The following CEP85L variants were observed in gnomAD, a reference collection of about 807,000 sequenced individuals.
CEP85L encodes centrosomal protein 85L.
CEP85L carries 60 observed loss-of-function variants against 100.3 expected under a neutral mutation model. The ratio of observed to expected loss-of-function variants is 0.60; its 90% CI spans 0.49 to 0.74. The LOEUF (loss-of-function observed/expected upper bound fraction) is 0.74, where lower values mean the gene tolerates loss of function less well. CEP85L is among the 30% of genes least tolerant of loss of function. CEP85L has a pLI of 0.00. For missense variants in CEP85L, 973 were observed against 936.2 expected, an observed-to-expected ratio of 1.04 and a Z score of -0.51; for synonymous variants, 319 against 322.7, an observed-to-expected ratio of 0.99 and a Z score of 0.12.
intron 1 of CEP85L, among the ~76,000 whole-genome samples, chr6:118,694,727 T>C (rs1777151464): frequency 6.6e-6 from 1 of 152,032 alleles, no homozygotes; most frequent in Non-Finnish European, 1.5e-5. Context: ...CCTTGGAGAG[T>C]CAATGAAATA....
At chr6:118,487,646 C>T (rs531095927) in intron 6 of CEP85L, among the ~76,000 whole-genome samples, 2 of 152,316 alleles carry the variant, frequency 1.3e-5, no homozygotes, top group African/African-American at 4.8e-5. Context: ...AGTTGGATCA[C>T]ACATCCAACA....
At chr6:118,684,498 C>T (rs1025229537) in intron 1 of CEP85L, among the ~76,000 whole-genome samples, 12 of 151,766 alleles carry the variant, frequency 7.9e-5, no homozygotes, top group African/African-American at 2.9e-4. Flanking sequence ...CAACAGAGCC[C>T]GACCTGTTTC....
intron 9 of CEP85L, 27 bp from the exon 10 acceptor site, chr6:118,479,948 C>T (rs1773657106): frequency 8.3e-7 from 1 of 1,206,922 alleles, no homozygotes; most frequent in Admixed American, 2.3e-5. Flanking sequence ...ACATCTGATT[C>T]AAATAATTTT....
At chr6:118,528,633 A>G (rs541373079) in intron 3 of CEP85L, among the ~76,000 whole-genome samples, 9 of 152,272 alleles carry the variant, frequency 5.9e-5, no homozygotes, top group African/African-American at 2.2e-4. Flanking sequence ...AAAACCTGAC[A>G]TCCTACCAAA....
intron 3 of CEP85L, among the ~76,000 whole-genome samples, chr6:118,563,695 C>G (rs1441360675): frequency 1.3e-5 from 2 of 152,210 alleles, no homozygotes; most frequent in Non-Finnish European, 1.5e-5. Flanking sequence ...AGGCAATTCT[C>G]CTGCCTTGGC....
intron 1 of CEP85L, among the ~76,000 whole-genome samples, chr6:118,682,818 G>T (rs529350713): frequency 3.0e-4 from 44 of 147,538 alleles, no homozygotes; most frequent in Admixed American, 1.6e-3. Context: ...CTTTTACCTT[G>T]CTCTAAATTT....
At chr6:118,601,098 T>TA (rs1781763762) in intron 2 of CEP85L, among the ~76,000 whole-genome samples, 1 of 152,236 alleles carries the variant, frequency 6.6e-6, no homozygotes, top group African/African-American at 2.4e-5. Flanking sequence ...ACACTTTATG[T>TA]AAGTTATTCA....
At chr6:118,578,023 C>T (rs1272320101) in intron 2 of CEP85L, among the ~76,000 whole-genome samples, 2 of 152,150 alleles carry the variant, frequency 1.3e-5, no homozygotes, top group Non-Finnish European at 2.9e-5. Flanking sequence ...AACAACAAAT[C>T]TAAAATATGT....
At chr6:118,645,665 C>G (rs1775131670) in intron 1 of CEP85L, among the ~76,000 whole-genome samples, 2 of 152,190 alleles carry the variant, frequency 1.3e-5, no homozygotes, top group Non-Finnish European at 2.9e-5. Context: ...GAGTGAGACA[C>G]TGTCTCAAAA....
intron 1 of CEP85L, among the ~76,000 whole-genome samples, chr6:118,691,673 AG>A (rs1777050346): frequency 6.6e-6 from 1 of 151,364 alleles, no homozygotes; most frequent in Non-Finnish European, 1.5e-5. Context: ...CCGGAGGCGG[AG>A]GTTTCAGTGA....
intron 5 of CEP85L, chr6:118,502,693 C>T (rs1438540829): frequency 4.4e-6 from 2 of 456,720 alleles, no homozygotes; most frequent in South Asian, 2.3e-5. Flanking sequence ...CACCTGACCC[C>T]TTCCCAATAT....
intron 3 of CEP85L, among the ~76,000 whole-genome samples, chr6:118,554,407 A>G (rs1360234521): frequency 6.6e-6 from 1 of 152,158 alleles, no homozygotes; most frequent in East Asian, 1.9e-4. Context: ...TAGGCCTTCC[A>G]AAGTGTTGGA....
intron 5 of CEP85L, among the ~76,000 whole-genome samples, chr6:118,493,476 T>A (rs1774705854): frequency 6.6e-6 from 1 of 152,154 alleles, no homozygotes; most frequent in South Asian, 2.1e-4. Flanking sequence ...AGGACAAAGC[T>A]AGATTCAGTG....
intron 2 of CEP85L, among the ~76,000 whole-genome samples, chr6:118,591,343 C>G (rs1201662480): frequency 6.6e-6 from 1 of 152,124 alleles, no homozygotes; most frequent in Non-Finnish European, 1.5e-5. Flanking sequence ...GGCCCCCTCC[C>G]ACCCTGCCTT....
chr6:118,506,452 G>A (rs1465386111), intron 5 of CEP85L, among the ~76,000 whole-genome samples: 1 of 152,152 alleles, frequency 6.6e-6, no homozygotes, highest in African/African-American at 2.4e-5. Context: ...ACTTCTCAAG[G>A]AAGAGCACCC....
chr6:118,691,573 A>C (rs1777046770), intron 1 of CEP85L, among the ~76,000 whole-genome samples: 1 of 145,546 alleles, frequency 6.9e-6, no homozygotes, highest in South Asian at 2.2e-4. Flanking sequence ...TCTCTACTAA[A>C]AAATACAAAA....
chr6:118,668,212 G>A (rs1776189662), intron 1 of CEP85L, among the ~76,000 whole-genome samples: 2 of 152,186 alleles, frequency 1.3e-5, no homozygotes, highest in South Asian at 4.1e-4. Context: ...GGAGAGCAAT[G>A]ATGTAATTAA....
intron 1 of CEP85L, among the ~76,000 whole-genome samples, chr6:118,641,404 T>TTC (rs34498124): frequency 0.71 from 107,607 of 151,866 alleles, 38,838 homozygotes; most frequent in African/African-American, 0.75. Flanking sequence ...AGAAAAAAAC[T>TTC]TGTTTATACT....
chr6:118,612,660 C>CAAA (rs56271635), intron 2 of CEP85L, among the ~76,000 whole-genome samples: 3 of 45,772 alleles, frequency 6.6e-5, no homozygotes, highest in South Asian at 1.2e-3. Context: ...GACTCTGTCT[C>CAAA]AAAAAAAAAA....
Sources: gnomAD v4.1 joint callset for allele counts (sites outside exome capture counted in the v4.1 genomes callset) on GRCh38, gnomAD v4.1.1 for gene constraint, MANE v1.5 for transcripts, NCBI Gene and HGNC (gene_info 2026-07-23, HGNC 2026-07-21) for gene names.